UMAD1: variants seen among roughly 807,000 people sequenced by gnomAD.
UMAD1 encodes UBAP1-MVB12-associated (UMA)-domain containing protein 1.
A neutral mutation model predicts 6.1 loss-of-function variants in UMAD1; 8 were observed. The observed-to-expected ratio is 1.30, with a 90% CI of 0.76 to 2.35. The LOEUF (loss-of-function observed/expected upper bound fraction) is 2.35, where lower values mean the gene tolerates loss of function less well. Ranked by LOEUF, UMAD1 falls within the 30% of genes most tolerant of loss-of-function variation. The probability of loss-of-function intolerance (pLI) is 0.00; values close to 1 mark genes in which losing one functional copy is unlikely to be tolerated. For synonymous variants in UMAD1, 56 were observed against 31.4 expected (o/e 1.78, Z -2.61); for missense variants, 130 against 78.4 (o/e 1.66, Z -2.49).
chr7:7,704,440 G>C (rs1023056922), intron 2 of UMAD1, among the ~76,000 whole-genome samples: 1 of 151,768 alleles, frequency 6.6e-6, no homozygotes, highest in African/African-American at 2.4e-5. Context: ...AGATCACAGA[G>C]TTTAACAACT....
At chr7:7,850,824 G>T (rs1230539730) in intron 3 of UMAD1, among the ~76,000 whole-genome samples, 6 of 151,938 alleles carry the variant, frequency 3.9e-5, no homozygotes, top group Non-Finnish European at 7.4e-5. Context: ...GTCTTACAAA[G>T]GTGTATTAGT....
chr7:7,703,961 A>AGGAAGGGAAGGAG (rs1459830701), intron 2 of UMAD1, among the ~76,000 whole-genome samples: 3 of 152,066 alleles, frequency 2.0e-5, no homozygotes, highest in Non-Finnish European at 2.9e-5. Flanking sequence ...GAAAGAAGGA[A>AGGAAGGGAAGGAG]GGAAGGGAAG....
chr7:7,719,355 C>A (rs1382338175), intron 2 of UMAD1, among the ~76,000 whole-genome samples: 3 of 152,192 alleles, frequency 2.0e-5, no homozygotes, highest in African/African-American at 7.2e-5. Flanking sequence ...ATTGCATCTG[C>A]ACTTGTATCG....
intron 1 of UMAD1, among the ~76,000 whole-genome samples, chr7:7,667,525 T>C (rs28992769): frequency 8.5e-4 from 130 of 152,304 alleles, no homozygotes; most frequent in African/African-American, 2.7e-3. Flanking sequence ...CAGTTTTTTT[T>C]CCCTAAATGT....
In UMAD1 at chr7:7,741,297, C is replaced by T. The variant is rs1052668906; in HGVS notation, c.83-60373C>T. On this transcript the variant is annotated intron_variant, in intron 2 of 3. Transcript: ENST00000682710. ...CAAAAAAAAAAAGACTGTGGCCTGG[C>T]GCGGTGGCTCACGCCTGTAATCCCA... 1.2e-4 allele frequency among the ~76,000 whole-genome samples: 18 copies of T among 151,406 alleles called. No individual in the cohort carries two copies. In the East Asian group the frequency reaches 2.5e-3, roughly 21 times the overall value.
intron 2 of UMAD1, among the ~76,000 whole-genome samples, chr7:7,710,186 T>C (rs1780718993): frequency 6.6e-6 from 1 of 152,188 alleles, no homozygotes; most frequent in Admixed American, 6.5e-5. Flanking sequence ...ATATCTGTTC[T>C]GATGATGAAC....
At chr7:7,835,206 T>G (rs1783542851) in intron 3 of UMAD1, among the ~76,000 whole-genome samples, 1 of 151,904 alleles carries the variant, frequency 6.6e-6, no homozygotes. Context: ...TATCATTTTC[T>G]GTCTGTATTT....
At position 7,869,615 on chromosome 7, in the gene UMAD1, G is replaced by GA. The variant is rs532827711; in HGVS notation, c.157-7660dup. On this transcript the variant is annotated intron_variant, in intron 3 of 3. Coordinates refer to ENST00000682710, the MANE Select transcript of UMAD1 (RefSeq NM_001302348.2). ...ATCTCTGTCTGAGGCATAGGTTGCA[G>GA]AAAAAAGCAGGAGGTTTTAAAAGAA... Among the ~76,000 whole-genome samples the GA allele has an allele frequency of 9.9e-5, 15 of 152,228 alleles. 1 individual carries two copies. In the East Asian group the frequency reaches 2.7e-3, roughly 27 times the overall value.
At chr7:7,838,252 A>G (rs762167615) in intron 3 of UMAD1, among the ~76,000 whole-genome samples, 1 of 152,158 alleles carries the variant, frequency 6.6e-6, no homozygotes, top group African/African-American at 2.4e-5. Flanking sequence ...ATTGGGCCAT[A>G]CAACAACAGG....
At chr7:7,873,628 G>A (rs1784366562) in intron 3 of UMAD1, among the ~76,000 whole-genome samples, 1 of 152,162 alleles carries the variant, frequency 6.6e-6, no homozygotes, top group African/African-American at 2.4e-5. Context: ...TTATAGGCAT[G>A]TGCTTTTTAA....
At chr7:7,862,048 G>T (rs983907331) in intron 3 of UMAD1, among the ~76,000 whole-genome samples, 1 of 152,060 alleles carries the variant, frequency 6.6e-6, no homozygotes, top group Non-Finnish European at 1.5e-5. Context: ...TAGGTTATGA[G>T]AATGGCAAAT....
At chr7:7,746,034 C>T (rs557849170) in intron 2 of UMAD1, among the ~76,000 whole-genome samples, 2 of 152,290 alleles carry the variant, frequency 1.3e-5, no homozygotes, top group African/African-American at 4.8e-5. Flanking sequence ...CCACACTCAG[C>T]CAATTGGTGC....
At chr7:7,845,841 G>A (rs889766618) in intron 3 of UMAD1, among the ~76,000 whole-genome samples, 79 of 151,986 alleles carry the variant, frequency 5.2e-4, no homozygotes, top group African/African-American at 1.8e-3. Flanking sequence ...ATTTTTATTG[G>A]GTATCTTCCA....
chr7:7,699,982 A>G (rs1040809863), intron 2 of UMAD1, among the ~76,000 whole-genome samples: 1 of 152,258 alleles, frequency 6.6e-6, no homozygotes, highest in African/African-American at 2.4e-5. Flanking sequence ...TTTTCTTCTC[A>G]TGAAGTAAGT....
At chr7:7,709,773 C>G (rs1021821271) in intron 2 of UMAD1, among the ~76,000 whole-genome samples, 13 of 149,194 alleles carry the variant, frequency 8.7e-5, no homozygotes, top group Non-Finnish European at 1.8e-4. Context: ...GAAAAATAAC[C>G]TTTTAAAGTT....
chr7:7,748,617 A>G (rs1048725029), intron 2 of UMAD1, among the ~76,000 whole-genome samples: 1 of 152,092 alleles, frequency 6.6e-6, no homozygotes, highest in Non-Finnish European at 1.5e-5. Context: ...CATTAATATT[A>G]ATAATATAAT....
At chr7:7,836,803 T>A (rs77622621) in intron 3 of UMAD1, among the ~76,000 whole-genome samples, 1,699 of 151,890 alleles carry the variant, frequency 0.011, 34 homozygotes, top group African/African-American at 0.038. Flanking sequence ...TTACTCAGAA[T>A]GTAACACAGA....
At chr7:7,680,750 A>G (rs1779888770) in intron 2 of UMAD1, among the ~76,000 whole-genome samples, 1 of 151,856 alleles carries the variant, frequency 6.6e-6, no homozygotes, top group Non-Finnish European at 1.5e-5. Context: ...TTTATTTTAG[A>G]GATCTTTCAC....
chr7:7,651,050 A>C (rs2115550280), intron 1 of UMAD1, among the ~76,000 whole-genome samples: 1 of 152,234 alleles, frequency 6.6e-6, no homozygotes, highest in East Asian at 1.9e-4. Context: ...CTGTAGCCAA[A>C]GAGAAAGCCC....
Sources: allele counts gnomAD v4.1 joint callset (sites outside exome capture counted in the v4.1 genomes callset), GRCh38; gene constraint gnomAD v4.1.1; transcripts MANE v1.5; gene names NCBI Gene and HGNC (gene_info 2026-07-23, HGNC 2026-07-21).